DNAJC1: variants seen among roughly 807,000 people sequenced by gnomAD.
DNAJC1 encodes dnaJ homolog subfamily C member 1.
DNAJC1 carries 58 observed loss-of-function variants against 76.6 expected under a neutral mutation model. The observed-to-expected ratio is 0.76, with a 90% CI of 0.61 to 0.94. DNAJC1 has a LOEUF of 0.94. Among genes scored for constraint, DNAJC1 ranks in the 40% least tolerant of loss-of-function variants. The probability of loss-of-function intolerance (pLI) is 0.00; values close to 1 mark genes in which losing one functional copy is unlikely to be tolerated. For missense variants in DNAJC1, 689 were observed against 677.3 expected, an observed-to-expected ratio of 1.02 and a Z score of -0.19; for synonymous variants, 258 against 267.9, an observed-to-expected ratio of 0.96 and a Z score of 0.36.
At position 21,935,295 on chromosome 10, in the gene DNAJC1, A is replaced by G. The variant is rs111610447; in HGVS notation, c.223-6154T>C. On this transcript the variant is annotated intron_variant, in intron 1 of 11. Coordinates refer to ENST00000376980, the MANE Select transcript of DNAJC1 (RefSeq NM_022365.4). The stretch of plus-strand genomic sequence containing the variant: ...AGAATATCAACAAAAATAGACTTTA[A>G]AAAAACAAAACAGAAATTCTGGACT... Among the ~76,000 whole-genome samples the G allele has an allele frequency of 4.6e-5, 7 of 152,284 alleles. 1 individual carries two copies. The highest frequency in any genetic ancestry group is 1.7e-4 in the African/African-American group (7 of 41,570).
At chr10:21,906,902 A>G (rs1836755428) in intron 6 of DNAJC1, among the ~76,000 whole-genome samples, 2 of 152,164 alleles carry the variant, frequency 1.3e-5, no homozygotes, top group South Asian at 4.1e-4. Flanking sequence ...ACTTCTACCA[A>G]TTTGACAAGG....
intron 8 of DNAJC1, among the ~76,000 whole-genome samples, chr10:21,856,946 G>A (rs1835844447): frequency 6.6e-6 from 1 of 151,964 alleles, no homozygotes; most frequent in Non-Finnish European, 1.5e-5. Flanking sequence ...ATGCAGATCA[G>A]GCTGGTCTCG....
chr10:21,791,556 C>A (rs1474934791), intron 9 of DNAJC1, among the ~76,000 whole-genome samples: 4 of 152,156 alleles, frequency 2.6e-5, no homozygotes, highest in African/African-American at 9.7e-5. Context: ...TCTCTGACCA[C>A]AGTGAAACAA....
intron 7 of DNAJC1, among the ~76,000 whole-genome samples, chr10:21,885,837 T>C (rs1009674454): frequency 1.3e-5 from 2 of 152,006 alleles, no homozygotes; most frequent in African/African-American, 4.8e-5. Context: ...GCTAAGGCAG[T>C]GTTAAGAGGG....
intron 1 of DNAJC1, among the ~76,000 whole-genome samples, chr10:21,993,922 A>G (rs1289782662): frequency 6.6e-6 from 1 of 152,108 alleles, no homozygotes; most frequent in Admixed American, 6.5e-5. Flanking sequence ...TTTTAAAAAA[A>G]TTGCTACCCA....
chr10:21,841,329 A>G (rs1021744132), intron 8 of DNAJC1, among the ~76,000 whole-genome samples: 13 of 152,252 alleles, frequency 8.5e-5, no homozygotes, highest in African/African-American at 2.4e-4. Flanking sequence ...ACAGAATGGG[A>G]GAAAATTTTT....
Position 21,905,616 on chromosome 10 carries a change from A to T in DNAJC1, c.730-1004T>A, listed in dbSNP as rs186875187. Among the ~76,000 whole-genome samples the T allele has an allele frequency of 1.9e-3, 286 of 152,280 alleles. 2 individuals carry two copies. Among genetic ancestry groups the T allele is most frequent in the Middle Eastern group, 0.01 (3 of 294 alleles). On this transcript the variant is annotated intron_variant, in intron 6 of 11. Transcript: ENST00000376980. ...TCCCTTGTACACTACTTCTATATTTAAACATGTCTATAACTGCTTGTATCA... is the reference window on the plus strand; with the variant it reads ...TCCCTTGTACACTACTTCTATATTTTAACATGTCTATAACTGCTTGTATCA...
At chr10:21,787,261 G>C (rs1278492480) in intron 9 of DNAJC1, among the ~76,000 whole-genome samples, 1 of 152,098 alleles carries the variant, frequency 6.6e-6, no homozygotes, top group Non-Finnish European at 1.5e-5. Context: ...CCAGGAGGTA[G>C]AGGTTGCAGT....
At chr10:21,812,447 A>G (rs1564794354) in intron 8 of DNAJC1, among the ~76,000 whole-genome samples, 1 of 152,006 alleles carries the variant, frequency 6.6e-6, no homozygotes, top group Non-Finnish European at 1.5e-5. Flanking sequence ...ACCATTTGTT[A>G]ATTGGTTGTC....
chr10:21,819,182 C>T (rs1340913216), intron 8 of DNAJC1, among the ~76,000 whole-genome samples: 4 of 152,118 alleles, frequency 2.6e-5, no homozygotes, highest in Non-Finnish European at 5.9e-5. Context: ...GGCAGGTGAT[C>T]ACGAGGTCAA....
At chr10:21,865,347 TA>T (rs1835980853) in intron 8 of DNAJC1, 1 of 152,060 alleles carries the variant, frequency 6.6e-6, no homozygotes, top group African/African-American at 2.4e-5. Flanking sequence ...GTGAATGAAT[TA>T]AAAAACTTTA....
At chr10:21,914,365 G>C (rs995172423) in intron 6 of DNAJC1, among the ~76,000 whole-genome samples, 8 of 152,052 alleles carry the variant, frequency 5.3e-5, no homozygotes, top group Admixed American at 2.6e-4. Context: ...AAGAAGCAAG[G>C]GGAACTATCA....
chr10:21,763,541 T>A (rs1834263686), intron 10 of DNAJC1, among the ~76,000 whole-genome samples: 1 of 148,722 alleles, frequency 6.7e-6, no homozygotes. Context: ...TGTACTGTTT[T>A]AATTTTTTAA....
intron 1 of DNAJC1, among the ~76,000 whole-genome samples, chr10:21,955,887 T>C (rs566474482): frequency 8.5e-5 from 13 of 152,228 alleles, no homozygotes; most frequent in Admixed American, 1.3e-4. Context: ...CTGTTTTGCA[T>C]TGTTGTAACA....
At chr10:21,804,660 C>CA (rs56713100) in intron 9 of DNAJC1, among the ~76,000 whole-genome samples, 5,460 of 99,686 alleles carry the variant, frequency 0.055, 155 homozygotes, top group African/African-American at 0.11. Context: ...TGAAACACAG[C>CA]AAAAAAAAAA....
intron 8 of DNAJC1, among the ~76,000 whole-genome samples, chr10:21,871,387 G>A (rs1836102769): frequency 6.7e-6 from 1 of 148,948 alleles, no homozygotes; most frequent in Admixed American, 6.7e-5. Context: ...AACCAATACA[G>A]AGCCCAAGGT....
At chr10:21,788,795 C>T (rs1834644559) in intron 9 of DNAJC1, among the ~76,000 whole-genome samples, 1 of 152,182 alleles carries the variant, frequency 6.6e-6, no homozygotes, top group East Asian at 1.9e-4. Context: ...AGGCTCAAAC[C>T]TCCAGAGCAC....
At chr10:21,977,286 T>C (rs1258306496) in intron 1 of DNAJC1, among the ~76,000 whole-genome samples, 3 of 152,084 alleles carry the variant, frequency 2.0e-5, no homozygotes, top group Non-Finnish European at 2.9e-5. Flanking sequence ...AAAATGACTA[T>C]GCAAGTAAAC....
chr10:21,765,462 T>C (rs1834289531), intron 10 of DNAJC1, among the ~76,000 whole-genome samples: 1 of 152,204 alleles, frequency 6.6e-6, no homozygotes, highest in Non-Finnish European at 1.5e-5. Flanking sequence ...TTGCAAAGTT[T>C]CTGAAGCATG....
Sources: gnomAD v4.1 joint callset for allele counts (sites outside exome capture counted in the v4.1 genomes callset) on GRCh38, gnomAD v4.1.1 for gene constraint, MANE v1.5 for transcripts, NCBI Gene and HGNC (gene_info 2026-07-23, HGNC 2026-07-21) for gene names.